The following SACS variants were observed in gnomAD, a reference collection of about 807,000 sequenced individuals.
SACS encodes sacsin molecular chaperone, also known as sacsin.
Under a neutral mutation model 348.0 loss-of-function variants are expected in SACS, and 197 were observed. The ratio of observed to expected loss-of-function variants is 0.57; its 90% CI spans 0.50 to 0.64. SACS has a LOEUF of 0.64. Ranked by LOEUF, SACS falls within the 30% of genes least tolerant of loss-of-function variation. The pLI, the probability that SACS is intolerant of heterozygous loss-of-function variation, is 0.00. For synonymous variants in SACS, 1,985 were observed against 1,910.6 expected (o/e 1.04, Z -1.02); for missense variants, 4,999 against 5,360.8 (o/e 0.93, Z 2.11).
chr13:23,426,581 A>G (rs1363974415), intron 1 of SACS, among the ~76,000 whole-genome samples: 1 of 150,598 alleles, frequency 6.6e-6, no homozygotes, highest in Non-Finnish European at 1.5e-5. Flanking sequence ...TGGAGGTTGC[A>G]GTGAGCTGAG....
At chr13:23,431,005 C>T (rs1411931880) in intron 1 of SACS, among the ~76,000 whole-genome samples, 2 of 152,122 alleles carry the variant, frequency 1.3e-5, no homozygotes, top group Admixed American at 6.6e-5. Context: ...TCGAGTCTTA[C>T]CATCTAGTCA....
intron 2 of SACS, among the ~76,000 whole-genome samples, chr13:23,390,230 T>A (rs1216920450): frequency 6.6e-6 from 1 of 152,176 alleles, no homozygotes; most frequent in African/African-American, 2.4e-5. Flanking sequence ...ATACTAGAAG[T>A]AAGAATAACT....
chr13:23,381,355 GCACACACACACACACA>G (rs71100174), intron 2 of SACS, among the ~76,000 whole-genome samples: 9 of 140,072 alleles, frequency 6.4e-5, no homozygotes, highest in East Asian at 4.2e-4. Flanking sequence ...GCAGCACGAA[GCACACACACACACACA>G]CACACACACA....
intron 2 of SACS, among the ~76,000 whole-genome samples, chr13:23,404,392 T>C (rs149644939): frequency 0.016 from 2,365 of 152,246 alleles, 29 homozygotes; most frequent in Non-Finnish European, 0.024. Context: ...CTAAACACTC[T>C]CAATAAACTA....
At chr13:23,384,984 G>A (rs1011377201) in intron 2 of SACS, among the ~76,000 whole-genome samples, 12 of 151,994 alleles carry the variant, frequency 7.9e-5, no homozygotes, top group South Asian at 2.1e-4. Context: ...ATTCCTGGCC[G>A]GGCATGGTGG....
At chr13:23,407,832 T>TGAATC (rs1483574020) in intron 2 of SACS, among the ~76,000 whole-genome samples, 2 of 152,174 alleles carry the variant, frequency 1.3e-5, no homozygotes, top group Non-Finnish European at 2.9e-5. Context: ...ATCCCCTGAC[T>TGAATC]CCGGCTATCT....
Position 23,338,294 on chromosome 13 carries a change from C to T in SACS, c.5582G>A (p.Trp1861Ter), listed in dbSNP as rs946368716. Reference sequence around the variant, plus strand: ...CTCTCCAATGTGTGGTTTCACTGTCCACTTCTGGTCCTGGATTTCTGACAG... The same window carrying T: ...CTCTCCAATGTGTGGTTTCACTGTCTACTTCTGGTCCTGGATTTCTGACAG... ...VQLSEIQDQK[W>*]TVKPHIGEVF... Residue 1861 changes from tryptophan (W) to a stop codon, truncating the protein, a stop_gained, in exon 10 of 10, where the codon TGG becomes TAG. Transcript: ENST00000382292. LOFTEE classifies it high-confidence loss of function. The T allele has an allele frequency of 2.0e-5, 33 of 1,614,092 alleles. No individual in the cohort carries two copies. The highest frequency in any genetic ancestry group is 2.8e-5 in the Non-Finnish European group (33 of 1,180,002).
chr13:23,390,437 A>G (rs571987705), intron 2 of SACS, among the ~76,000 whole-genome samples: 1 of 152,164 alleles, frequency 6.6e-6, no homozygotes, highest in Non-Finnish European at 1.5e-5. Context: ...AGGTAGGCAC[A>G]TTGCTTGAGT....
At chr13:23,390,996 C>A (rs914500543) in intron 2 of SACS, among the ~76,000 whole-genome samples, 2 of 152,234 alleles carry the variant, frequency 1.3e-5, no homozygotes, top group African/African-American at 4.8e-5. Context: ...CACTACCACA[C>A]GCCTGCACCC....
intron 2 of SACS, among the ~76,000 whole-genome samples, chr13:23,379,312 A>T (rs989091460): frequency 6.6e-6 from 1 of 152,162 alleles, no homozygotes; most frequent in African/African-American, 2.4e-5. Flanking sequence ...TGAAGCACCT[A>T]CTCAGTGCCA....
intron 2 of SACS, among the ~76,000 whole-genome samples, chr13:23,376,299 A>G (rs1413915212): frequency 2.0e-5 from 3 of 152,094 alleles, no homozygotes; most frequent in Non-Finnish European, 4.4e-5. Context: ...TTGCCATGTA[A>G]TTTGAAAGTG....
At chr13:23,352,645 A>C (rs751608640) in intron 9 of SACS, among the ~76,000 whole-genome samples, 27 of 152,224 alleles carry the variant, frequency 1.8e-4, no homozygotes, top group Non-Finnish European at 3.1e-4. Context: ...ACAACATTAA[A>C]AAAAAAGGAG....
intron 2 of SACS, among the ~76,000 whole-genome samples, chr13:23,381,153 C>T (rs1463231460): frequency 1.3e-5 from 2 of 152,180 alleles, no homozygotes; most frequent in Non-Finnish European, 1.5e-5. Context: ...GAACCCAGGG[C>T]TCCACTTGAT....
At chr13:23,375,345 G>A (rs1871696200) in intron 2 of SACS, 76 bp from the exon 3 acceptor site, 4 of 1,318,142 alleles carry the variant, frequency 3.0e-6, no homozygotes, top group East Asian at 6.4e-5. Context: ...GCCTCCACCC[G>A]CGTTACCTCT....
At chr13:23,348,167 AT>A (rs1189133882) in intron 9 of SACS, among the ~76,000 whole-genome samples, 1 of 152,228 alleles carries the variant, frequency 6.6e-6, no homozygotes, top group Non-Finnish European at 1.5e-5. Context: ...TACAGAAATA[AT>A]TCAGACCTGG....
At chr13:23,381,633 C>A (rs752131721) in intron 2 of SACS, among the ~76,000 whole-genome samples, 2 of 152,052 alleles carry the variant, frequency 1.3e-5, no homozygotes, top group African/African-American at 4.8e-5. Flanking sequence ...AATCCCTAGA[C>A]GTTGATTTGA....
chr13:23,340,288 G>A lies in SACS; in HGVS notation c.3588C>T (p.Gly1196=). The A allele has an allele frequency of 6.2e-7, 1 of 1,613,716 alleles. No homozygotes were observed. Among genetic ancestry groups the A allele is most frequent in the Non-Finnish European group, 8.5e-7 (1 of 1,179,780 alleles). ...MCDVGHAILI[G]SSLPLVESIH... is the part of the protein sequence containing the mutation. ...TACTTTCAACAAGAGGAAGTGAGGA[G>A]CCAATGAGAATTGCATGGCCTACAT... Residue 1196 remains glycine, a synonymous_variant, in exon 10 of 10, where the codon GGC becomes GGT. Coordinates refer to ENST00000382292, the MANE Select transcript of SACS (RefSeq NM_014363.6).
chr13:23,368,856 G>A (rs571493719), intron 4 of SACS, among the ~76,000 whole-genome samples: 12 of 151,958 alleles, frequency 7.9e-5, no homozygotes, highest in Middle Eastern at 6.8e-3. Context: ...CCACCACCAT[G>A]CCCAGCTAAT....
intron 1 of SACS, among the ~76,000 whole-genome samples, chr13:23,431,205 GT>G (rs1874420750): frequency 6.6e-6 from 1 of 152,216 alleles, no homozygotes; most frequent in Non-Finnish European, 1.5e-5. Context: ...GAATCATCTA[GT>G]CAGAACCTGA....
Sources: allele counts gnomAD v4.1 joint callset (sites outside exome capture counted in the v4.1 genomes callset), GRCh38; gene constraint gnomAD v4.1.1; transcripts MANE v1.5; gene names NCBI Gene and HGNC (gene_info 2026-07-23, HGNC 2026-07-21).